Variants in CGNL1 observed in about 807,000 individuals in gnomAD.
The protein encoded by CGNL1 is cingulin-like protein 1.
A neutral mutation model predicts 141.2 loss-of-function variants in CGNL1; 132 were observed. That is an observed-to-expected ratio of 0.93 (90% confidence interval 0.81 to 1.08). CGNL1 has a LOEUF of 1.08. Among genes scored for constraint, CGNL1 ranks in the 50% least tolerant of loss-of-function variants. The probability of loss-of-function intolerance (pLI) is 0.00; values close to 1 mark genes in which losing one functional copy is unlikely to be tolerated. For synonymous variants in CGNL1, 690 were observed against 622.1 expected (o/e 1.11, Z -1.63); for missense variants, 1,870 against 1,588.6 (o/e 1.18, Z -3.01).
chr15:57,470,574 A>G (rs1439825612), intron 8 of CGNL1, among the ~76,000 whole-genome samples: 1 of 152,162 alleles, frequency 6.6e-6, no homozygotes, highest in Non-Finnish European at 1.5e-5. Context: ...AGCTGCCTAG[A>G]GTCACTTGCT....
chr15:57,403,413 G>T (rs1158452137), intron 1 of CGNL1, among the ~76,000 whole-genome samples: 3 of 152,130 alleles, frequency 2.0e-5, no homozygotes, highest in African/African-American at 4.8e-5. Context: ...AAAGAAACAC[G>T]AGGTTAAAAA....
intron 9 of CGNL1, among the ~76,000 whole-genome samples, chr15:57,517,959 T>A (rs754124865): frequency 7.9e-5 from 12 of 151,058 alleles, no homozygotes; most frequent in Admixed American, 3.3e-4. Context: ...ATACCTACTG[T>A]TTTCAGATCT....
chr15:57,401,589 A>G (rs2062660992), intron 1 of CGNL1, among the ~76,000 whole-genome samples: 1 of 152,182 alleles, frequency 6.6e-6, no homozygotes, highest in South Asian at 2.1e-4. Context: ...CTTCAACCTG[A>G]TGAAGTGTTT....
At chr15:57,483,827 C>A (rs946914338) in intron 8 of CGNL1, among the ~76,000 whole-genome samples, 2 of 152,154 alleles carry the variant, frequency 1.3e-5, no homozygotes, top group South Asian at 2.1e-4. Flanking sequence ...AAGTTTAAAT[C>A]ATGAATGGAT....
rs770450879 is a variant in CGNL1 at position 57,546,167 on chromosome 15, G to T, written c.3701G>T (p.Arg1234Met). The T allele has an allele frequency of 1.2e-6, 2 of 1,612,018 alleles. No homozygotes were observed. The highest frequency in any genetic ancestry group is 1.3e-5 in the African/African-American group (1 of 75,042). ...RLESSKKKLQ[R>M]ELEEQMDMNE... ...GAAAGTTCTAAAAAGAAGCTGCAGA[G>T]GGAGCTGGAGGAGCAGATGGACATG... The change falls in exon 18 of 19, where the codon AGG (arginine) becomes ATG (methionine). Residue 1234 changes from arginine (R) to methionine (M), a missense_variant. Physicochemically the swap from Arg to Met is moderately conservative, Grantham distance 91. Coordinates refer to ENST00000281282, the MANE Select transcript of CGNL1 (RefSeq NM_032866.5).
At chr15:57,378,881 A>T (rs1195027299) in intron 1 of CGNL1, among the ~76,000 whole-genome samples, 5 of 152,162 alleles carry the variant, frequency 3.3e-5, no homozygotes, top group Non-Finnish European at 7.4e-5. Flanking sequence ...CTACTACTGT[A>T]TTCACTTGCT....
At chr15:57,407,434 A>G (rs2062735950) in intron 1 of CGNL1, among the ~76,000 whole-genome samples, 5 of 152,082 alleles carry the variant, frequency 3.3e-5, no homozygotes, top group Admixed American at 3.3e-4. Flanking sequence ...GATTCCCTCA[A>G]TTTTTAGAGG....
At chr15:57,426,114 C>T (rs2152289116) in intron 1 of CGNL1, among the ~76,000 whole-genome samples, 1 of 151,998 alleles carries the variant, frequency 6.6e-6, no homozygotes, top group East Asian at 1.9e-4. Flanking sequence ...AGGGATTCTG[C>T]ACTTAAGAAA....
intron 8 of CGNL1, among the ~76,000 whole-genome samples, chr15:57,473,241 T>G (rs866929863): frequency 6.6e-6 from 1 of 152,326 alleles, no homozygotes; most frequent in South Asian, 2.1e-4. Context: ...TCAATCTATG[T>G]TATACTCTCT....
chr15:57,440,227 G>C (rs554142055), intron 2 of CGNL1, 150 bp from the exon 3 acceptor site: 4 of 614,794 alleles, frequency 6.5e-6, no homozygotes, highest in Admixed American at 2.8e-5. Flanking sequence ...AAATTGAGGC[G>C]AGGAGAAGTT....
intron 1 of CGNL1, among the ~76,000 whole-genome samples, chr15:57,399,772 C>A (rs2062639505): frequency 6.6e-6 from 1 of 151,950 alleles, no homozygotes; most frequent in Admixed American, 6.6e-5. Flanking sequence ...GGGCGGGGAG[C>A]CTCCAGCACT....
chr15:57,465,075 T>A (rs2063494836), intron 8 of CGNL1, among the ~76,000 whole-genome samples: 1 of 152,066 alleles, frequency 6.6e-6, no homozygotes, highest in African/African-American at 2.4e-5. Context: ...TTAAAGAGGA[T>A]CCTGATTGTG....
intron 12 of CGNL1, among the ~76,000 whole-genome samples, chr15:57,528,191 A>G (rs184088153): frequency 1.4e-4 from 22 of 152,124 alleles, no homozygotes; most frequent in African/African-American, 5.3e-4. Flanking sequence ...CAGGAGATGG[A>G]GGCTGCAGTT....
At chr15:57,415,561 T>A (rs2062839131) in intron 1 of CGNL1, among the ~76,000 whole-genome samples, 1 of 152,244 alleles carries the variant, frequency 6.6e-6, no homozygotes, top group African/African-American at 2.4e-5. Flanking sequence ...TGAATCATTT[T>A]AAGCCACTAA....
intron 14 of CGNL1, among the ~76,000 whole-genome samples, chr15:57,537,570 A>G (rs1222541198): frequency 6.6e-6 from 1 of 152,146 alleles, no homozygotes; most frequent in Non-Finnish European, 1.5e-5. Context: ...TTTTAATGCC[A>G]GCCAGGAGTG....
intron 8 of CGNL1, among the ~76,000 whole-genome samples, chr15:57,475,990 G>A (rs1209662664): frequency 6.6e-6 from 1 of 152,114 alleles, no homozygotes; most frequent in Non-Finnish European, 1.5e-5. Flanking sequence ...CATTTATTGT[G>A]TTTTGCTTTG....
At chr15:57,523,691 G>A in intron 11 of CGNL1, 50 bp downstream of exon 11, 1 of 1,600,042 alleles carries the variant, frequency 6.2e-7, no homozygotes, top group South Asian at 1.1e-5. Flanking sequence ...GTCTTTGTTG[G>A]ACCCAGTCCC....
chr15:57,486,220 T>A (rs1169999198), intron 8 of CGNL1, among the ~76,000 whole-genome samples: 7 of 152,134 alleles, frequency 4.6e-5, no homozygotes, highest in African/African-American at 1.7e-4. Flanking sequence ...GGTCAAGGAA[T>A]TTGGTCCCAG....
rs1335115444 is a variant in CGNL1, at chr15:57,451,621, T to C, written c.1905+20T>C. ...GTCAAGGTATCTGGTTTTTCCTTTA[T>C]GTTATTTTTTCCATTTCTGTCTTGG... On this transcript the variant is annotated intron_variant, in intron 5 of 18. Transcript: ENST00000281282. 1 of 1,540,588 alleles carries C rather than the reference T, an allele frequency of 6.5e-7. No homozygotes were observed. Among genetic ancestry groups the C allele is most frequent in the Non-Finnish European group, 8.9e-7 (1 of 1,119,700 alleles).
Sources: gnomAD v4.1 joint callset for allele counts (sites outside exome capture counted in the v4.1 genomes callset) on GRCh38, gnomAD v4.1.1 for gene constraint, MANE v1.5 for transcripts, NCBI Gene and HGNC (gene_info 2026-07-23, HGNC 2026-07-21) for gene names.